PTPRG: variants seen among roughly 807,000 people sequenced by gnomAD.
PTPRG encodes the protein receptor-type tyrosine-protein phosphatase gamma.
A neutral mutation model predicts 165.3 loss-of-function variants in PTPRG; 102 were observed. The observed-to-expected ratio is 0.62, with a 90% confidence interval of 0.53 to 0.73. The LOEUF is 0.73. Ranked by LOEUF, PTPRG falls within the 30% of genes least tolerant of loss-of-function variation. PTPRG has a pLI of 0.00. For missense variants in PTPRG, 1,866 were observed against 1,861.4 expected (o/e 1.00, Z -0.05); for synonymous variants, 675 against 669.5 (o/e 1.01, Z -0.13).
chr3:61,784,467 A>G (rs1033666811), intron 2 of PTPRG, among the ~76,000 whole-genome samples: 6 of 152,194 alleles, frequency 3.9e-5, no homozygotes, highest in African/African-American at 1.4e-4. Flanking sequence ...GAGTGAGTCA[A>G]ATGAATCATA....
chr3:62,081,085 A>G (rs975305687), intron 5 of PTPRG, among the ~76,000 whole-genome samples: 3 of 151,720 alleles, frequency 2.0e-5, no homozygotes, highest in Admixed American at 1.3e-4. Context: ...GTGAAACCCC[A>G]TCTCTACTAA....
chr3:62,078,150 A>C lies in PTPRG; in HGVS notation c.520-13A>C. 6.4e-7 allele frequency: 1 copy of C among 1,550,806 alleles called. No homozygotes were observed. Among genetic ancestry groups the C allele is most frequent in the Non-Finnish European group, 8.8e-7 (1 of 1,133,774 alleles). On this transcript the variant is annotated splice_polypyrimidine_tract_variant and intron_variant, in intron 4 of 29. Transcript: ENST00000474889. Reference sequence around the variant, plus strand: ...AAAATTTTCCTAATACATTTTTTTAATTGTTCTTACAGATGCAGATTTTCT... The same window carrying C: ...AAAATTTTCCTAATACATTTTTTTACTTGTTCTTACAGATGCAGATTTTCT...
chr3:62,238,529 A>G (rs1336062710), intron 14 of PTPRG, among the ~76,000 whole-genome samples: 2 of 152,178 alleles, frequency 1.3e-5, no homozygotes, highest in Non-Finnish European at 2.9e-5. Flanking sequence ...GCAGTCCACA[A>G]GGGTGGACTC....
rs572690327 is a variant in PTPRG at position 62,204,109 on chromosome 3, A to G, written c.2155+159A>G. On this transcript the variant is annotated intron_variant, in intron 12 of 29. Coordinates refer to ENST00000474889, the MANE Select transcript of PTPRG (RefSeq NM_002841.4). ...AAAGGTGCACACATGTGAAATGTGT[A>G]TGTGTGTGTCCCTGTTTTACTCCAA... Among the ~76,000 whole-genome samples the G allele has an allele frequency of 2.0e-5, 3 of 152,312 alleles. No homozygotes were observed. In the South Asian group the frequency reaches 6.2e-4, roughly 32 times the overall value.
At chr3:62,058,615 G>A (rs567474667) in intron 4 of PTPRG, among the ~76,000 whole-genome samples, 5 of 152,136 alleles carry the variant, frequency 3.3e-5, no homozygotes, top group Non-Finnish European at 7.3e-5. Flanking sequence ...GATCTGGGGA[G>A]TTTATGTCCT....
chr3:61,733,426 A>T (rs2032594402), intron 1 of PTPRG, among the ~76,000 whole-genome samples: 1 of 151,932 alleles, frequency 6.6e-6, no homozygotes, highest in African/African-American at 2.4e-5. Flanking sequence ...TTCTGTGCCT[A>T]GATTGCCTGG....
At chr3:61,694,634 T>C (rs1249080704) in intron 1 of PTPRG, among the ~76,000 whole-genome samples, 1 of 152,222 alleles carries the variant, frequency 6.6e-6, no homozygotes, top group African/African-American at 2.4e-5. Flanking sequence ...ACGATTGGAA[T>C]AGCATGAAAC....
At chr3:62,225,627 TG>T (rs1343305185) in intron 13 of PTPRG, among the ~76,000 whole-genome samples, 2 of 151,980 alleles carry the variant, frequency 1.3e-5, no homozygotes, top group Non-Finnish European at 2.9e-5. Flanking sequence ...GAAAAGGCTT[TG>T]TATATCTAAA....
chr3:61,850,206 C>G (rs1451161578), intron 2 of PTPRG, among the ~76,000 whole-genome samples: 1 of 151,984 alleles, frequency 6.6e-6, no homozygotes, highest in Admixed American at 6.6e-5. Flanking sequence ...TCTTTCACCC[C>G]TGCTGGAGTG....
intron 2 of PTPRG, among the ~76,000 whole-genome samples, chr3:61,884,010 G>T (rs1218081277): frequency 6.6e-6 from 1 of 152,174 alleles, no homozygotes; most frequent in Non-Finnish European, 1.5e-5. Flanking sequence ...AACATTCTTA[G>T]TTGTATGCTT....
At chr3:62,000,009 C>A (rs186079123) in intron 3 of PTPRG, among the ~76,000 whole-genome samples, 9 of 152,192 alleles carry the variant, frequency 5.9e-5, no homozygotes, top group Middle Eastern at 3.4e-3. Context: ...AGATCTCCCC[C>A]CCAGGCCCGG....
At chr3:61,894,417 T>G (rs2107506851) in intron 2 of PTPRG, among the ~76,000 whole-genome samples, 1 of 151,658 alleles carries the variant, frequency 6.6e-6, no homozygotes, top group South Asian at 2.1e-4. Flanking sequence ...AAAGATGGTT[T>G]ACTCTGTTGG....
At chr3:62,253,111 C>T (rs1265971203) in intron 15 of PTPRG, among the ~76,000 whole-genome samples, 3 of 152,108 alleles carry the variant, frequency 2.0e-5, no homozygotes, top group African/African-American at 7.2e-5. Context: ...AAACAATAAG[C>T]AGTTAACCTG....
Position 62,169,456 on chromosome 3 carries a change from G to A in PTPRG, c.1033+1293G>A, listed in dbSNP as rs1382500277. Among the ~76,000 whole-genome samples, 3 of 151,990 alleles carry A rather than the reference G, an allele frequency of 2.0e-5. No homozygotes were observed. The South Asian group carries it at 6.2e-4, about 32-fold the overall frequency. On this transcript the variant is annotated intron_variant, in intron 8 of 29. Coordinates refer to ENST00000474889, the MANE Select transcript of PTPRG (RefSeq NM_002841.4). Reference sequence around the variant, plus strand: ...ATAAACATAAGTTTATCATTTTCAGGCATCTCAGTCTTTTTCCATCTCTAC... The same window carrying A: ...ATAAACATAAGTTTATCATTTTCAGACATCTCAGTCTTTTTCCATCTCTAC...
At chr3:61,786,089 G>A (rs1057324586) in intron 2 of PTPRG, among the ~76,000 whole-genome samples, 3 of 152,028 alleles carry the variant, frequency 2.0e-5, no homozygotes, top group Admixed American at 6.6e-5. Flanking sequence ...CAAGTTATAC[G>A]TGCCTCTGGC....
At chr3:62,076,221 A>G (rs1426054088) in intron 4 of PTPRG, among the ~76,000 whole-genome samples, 3 of 152,136 alleles carry the variant, frequency 2.0e-5, no homozygotes, top group African/African-American at 4.8e-5. Context: ...CAGGAGGTCA[A>G]GGCCGCAGTG....
At chr3:62,084,959 A>T (rs978780739) in intron 5 of PTPRG, among the ~76,000 whole-genome samples, 1 of 152,188 alleles carries the variant, frequency 6.6e-6, no homozygotes, top group African/African-American at 2.4e-5. Context: ...CATTGTCTAG[A>T]TTGGAAAGGG....
rs879570594 is a variant in PTPRG, at chr3:62,146,630, T to TA, written c.683-10437_683-10436insA. ...TGCTCATATGTATTGCCTGTTGCTT[T>TA]TAAAAAAAAAAAAAAATACGCCGCC... On this transcript the variant is annotated intron_variant, in intron 6 of 29. Coordinates refer to ENST00000474889, the MANE Select transcript of PTPRG (RefSeq NM_002841.4). Among the ~76,000 whole-genome samples the TA allele has an allele frequency of 7.2e-4, 97 of 134,992 alleles. 1 individual carries two copies. The highest frequency in any genetic ancestry group is 2.0e-3 in the African/African-American group (74 of 36,894). The allele number at this position is 134,992 out of a possible 152,430, so 88.6% of individuals were successfully genotyped here.
chr3:61,972,931 T>G (rs774767242), intron 2 of PTPRG, among the ~76,000 whole-genome samples: 6 of 152,112 alleles, frequency 3.9e-5, no homozygotes, highest in Non-Finnish European at 8.8e-5. Context: ...AGTGTTGGGC[T>G]TATAGGCATG....
Sources: gnomAD v4.1 joint callset for allele counts (sites outside exome capture counted in the v4.1 genomes callset) on GRCh38, gnomAD v4.1.1 for gene constraint, MANE v1.5 for transcripts, NCBI Gene and HGNC (gene_info 2026-07-23, HGNC 2026-07-21) for gene names.